Variants in CES4A observed in about 807,000 individuals in gnomAD.
The protein encoded by CES4A is carboxylesterase 6.
Under a neutral mutation model 65.4 loss-of-function variants are expected in CES4A, and 48 were observed. The ratio of observed to expected loss-of-function variants is 0.73; its 90% CI spans 0.58 to 0.93. The LOEUF (loss-of-function observed/expected upper bound fraction) is 0.93. Ranked by LOEUF, CES4A falls within the 40% of genes least tolerant of loss-of-function variation. The pLI, the probability that CES4A is intolerant of heterozygous loss-of-function variation, is 0.00. For synonymous variants in CES4A, 247 were observed against 281.8 expected (o/e 0.88, Z 1.24); for missense variants, 685 against 728.5 (o/e 0.94, Z 0.69).
chr16:66,988,895 C>T (rs1964157687), intron 1 of CES4A, 65 bp downstream of exon 1: 2 of 1,502,062 alleles, frequency 1.3e-6, no homozygotes, highest in Admixed American at 4.2e-5. Context: ...AGGGACAGGC[C>T]CCAGTTCAAC....
In CES4A at chr16:67,001,431, G is replaced by A. The variant is rs756044696; in HGVS notation, c.660G>A (p.Gln220=). The change falls in exon 5 of 14, where the codon CAG becomes CAA. Residue 220 remains glutamine (Q), a synonymous_variant. Coordinates refer to ENST00000648724, the Ensembl canonical transcript of CES4A. The surrounding 1 kb of genome is among the most constrained non-coding windows in gnomAD (Gnocchi z 4.1). ...CAGGAAATGTGACCCTGTTCGGCCA[G>A]TCGGCGGGGGCCATGAGCATCTCAG... 24 of 1,612,040 alleles carry A rather than the reference G, an allele frequency of 1.5e-5. No homozygotes were observed. Among genetic ancestry groups the A allele is most frequent in the Non-Finnish European group, 2.0e-5 (24 of 1,179,042 alleles).
intron 13 of CES4A, chr16:67,008,621 C>T (rs1478464867): frequency 2.6e-5 from 5 of 192,708 alleles, no homozygotes; most frequent in African/African-American, 1.2e-4. Context: ...AGGATGGTCT[C>T]GATCTCCTGA....
At chr16:67,005,692 C>CA (rs1211554036) in intron 11 of CES4A, 1 of 292,006 alleles carries the variant, frequency 3.4e-6, no homozygotes, top group Non-Finnish European at 6.4e-6. Flanking sequence ...ACTAAAAGTA[C>CA]AAAAAAATTA....
chr16:67,003,297 G>A lies in CES4A; in HGVS notation c.837G>A (p.Gln279=), dbSNP rs779017587. The change falls in exon 7 of 14, where the codon CAG becomes CAA. Residue 279 remains glutamine, a synonymous_variant. Coordinates refer to ENST00000648724, the Ensembl canonical transcript of CES4A. This position sits in a 1 kb window ranked among gnomAD's most constrained non-coding sequence, Gnocchi z 4.2. ...CTGGATGCAACCACAACAGCACACAGATCCTGGTAAACTGCCTGAGGGCAC... is the reference window on the plus strand; with the variant it reads ...CTGGATGCAACCACAACAGCACACAAATCCTGGTAAACTGCCTGAGGGCAC... 2.2e-5 allele frequency: 35 copies of A among 1,614,066 alleles called. No individual in the cohort carries two copies. The highest frequency in any genetic ancestry group is 5.5e-5 in the South Asian group (5 of 91,090).
exon 11 of CES4A, chr16:67,005,331 T>C (rs1965669261): frequency 1.9e-6 from 3 of 1,614,022 alleles, no homozygotes; most frequent in Middle Eastern, 1.6e-4. Flanking sequence ...AACCGTATGA[T>C]GGACATAGTT....
intron 2 of CES4A, among the ~76,000 whole-genome samples, chr16:66,997,403 G>A (rs888717463): frequency 2.6e-5 from 4 of 152,180 alleles, no homozygotes; most frequent in Admixed American, 1.3e-4. Context: ...AGCCCATGGG[G>A]TGGTGGTTGG....
Position 67,000,054 on chromosome 16 carries a change from AT to A in CES4A, c.261-583del, listed in dbSNP as rs908308884. 5.3e-5 allele frequency among the ~76,000 whole-genome samples: 8 copies of A among 152,238 alleles called. No homozygotes were observed. Among genetic ancestry groups the A allele is most frequent in the African/African-American group, 1.9e-4 (8 of 41,538 alleles). ...TGGGTACTCCGCGTATCTTAACTTT[AT>A]CCTGAGGGCAGTGGAGAGCCAGGGA... is the stretch of plus-strand genomic sequence containing the variant. On this transcript the variant is annotated intron_variant, in intron 2 of 13. Transcript: ENST00000648724. This position sits in a 1 kb window ranked among gnomAD's most constrained non-coding sequence, Gnocchi z 4.2.
intron 11 of CES4A, 88 bp downstream of exon 11, chr16:67,005,481 T>G: frequency 7.9e-7 from 1 of 1,261,256 alleles, no homozygotes; most frequent in Non-Finnish European, 1.1e-6. Flanking sequence ...ACTGCTCCCC[T>G]ACCCTCTCTG....
At chr16:66,995,772 C>A (rs765087870) in exon 2 of CES4A, 1 of 1,614,204 alleles carries the variant, frequency 6.2e-7, no homozygotes, top group South Asian at 1.1e-5. Flanking sequence ...AGGTTTGCAC[C>A]TCCAGAACCC....
chr16:67,009,017 AAGG>A, exon 14 of CES4A: 2 of 1,614,176 alleles, frequency 1.2e-6, no homozygotes, highest in Non-Finnish European at 1.7e-6. Context: ...ACGCTACAAC[AAGG>A]ATGAAAAGTA....
chr16:67,000,599 G>T lies in CES4A; in HGVS notation c.261-39G>T. On this transcript the variant is annotated intron_variant, in intron 2 of 13. Transcript: ENST00000648724. This position sits in a 1 kb window ranked among gnomAD's most constrained non-coding sequence, Gnocchi z 4.2. ...CTCACTGCGGACCCTGGATTGAAAC[G>T]ATCTCCCCGCGGCCGCCGCCGCTAC... 1 of 1,523,134 alleles carries T rather than the reference G, an allele frequency of 6.6e-7. No homozygotes were observed. Among genetic ancestry groups the T allele is most frequent in the Non-Finnish European group, 8.8e-7 (1 of 1,130,446 alleles). The allele number at this position is 1,523,134 out of a possible 1,614,324, so 94.4% of individuals were successfully genotyped here.
Position 67,000,891 on chromosome 16 carries a change from TG to T in CES4A, c.440del (p.Gly147AlafsTer32). 1 of 1,610,214 alleles carries T rather than the reference TG, an allele frequency of 6.2e-7. No homozygotes were observed. Among genetic ancestry groups the T allele is most frequent in the Admixed American group, 1.7e-5 (1 of 59,546 alleles). ...TGGTTCCCGGGAGGCGCCTTCATCG[TG>T]GGCGCTGCTTCTTCGTACGAGGGCT... On this transcript the variant is annotated frameshift_variant, in exon 4 of 14. Coordinates refer to ENST00000648724, the Ensembl canonical transcript of CES4A. LOFTEE classifies it high-confidence loss of function. The surrounding 1 kb of genome is among the most constrained non-coding windows in gnomAD (Gnocchi z 4.2).
At chr16:67,004,940 A>C (rs1193490339) in intron 10 of CES4A, 67 bp downstream of exon 10, 26 of 1,253,098 alleles carry the variant, frequency 2.1e-5, no homozygotes, top group Non-Finnish European at 2.9e-5. Flanking sequence ...TTTTTAACCT[A>C]GTAGCTGCTC....
chr16:67,006,465 G>C (rs907410430), exon 12 of CES4A: 3 of 1,536,560 alleles, frequency 2.0e-6, no homozygotes, highest in Admixed American at 2.0e-5. Context: ...CCGCACTGAT[G>C]GGGCAGACCA....
chr16:66,990,429 G>C (rs1306219132), intron 1 of CES4A, among the ~76,000 whole-genome samples: 1 of 152,122 alleles, frequency 6.6e-6, no homozygotes, highest in African/African-American at 2.4e-5. Flanking sequence ...AAATGGGGTG[G>C]CTCATGTCTA....
intron 1 of CES4A, 130 bp downstream of exon 1, chr16:66,988,960 G>C: frequency 8.8e-7 from 1 of 1,142,706 alleles, no homozygotes; most frequent in Non-Finnish European, 1.2e-6. Context: ...GCAAATGGAG[G>C]GTAGGGTTTC....
Position 67,003,344 on chromosome 16 carries a change from G to A in CES4A, c.884G>A (p.Arg295His), listed in dbSNP as rs930560634. Reference sequence around the variant, plus strand: ...GCACTATCAGGGACCAAGGTGATGCGTGTGTCCAACAAGATGGTAGGTAGA... The same window carrying A: ...GCACTATCAGGGACCAAGGTGATGCATGTGTCCAACAAGATGGTAGGTAGA... Residue 295 changes from arginine to histidine, a missense_variant, in exon 7 of 14, where the codon CGT (arginine) becomes CAT (histidine). By Grantham distance (29) the Arg-to-His change is conservative (BLOSUM62 0). Transcript: ENST00000648724. This position sits in a 1 kb window ranked among gnomAD's most constrained non-coding sequence, Gnocchi z 4.2. The A allele has an allele frequency of 5.0e-6, 8 of 1,613,734 alleles. No homozygotes were observed. The highest frequency in any genetic ancestry group is 1.7e-5 in the Admixed American group (1 of 59,986).
intron 1 of CES4A, among the ~76,000 whole-genome samples, chr16:66,992,856 G>GT (rs200295559): frequency 9.9e-5 from 15 of 151,044 alleles, no homozygotes; most frequent in Admixed American, 2.0e-4. Flanking sequence ...ATTATTATTG[G>GT]TTTTTTTTTA....
At chr16:66,996,390 G>A (rs929925406) in intron 2 of CES4A, among the ~76,000 whole-genome samples, 7 of 152,102 alleles carry the variant, frequency 4.6e-5, no homozygotes, top group Non-Finnish European at 7.4e-5. Flanking sequence ...GTCACCGACC[G>A]TGCTCCAGCA....
Sources: allele counts gnomAD v4.1 joint callset (sites outside exome capture counted in the v4.1 genomes callset), GRCh38; gene constraint gnomAD v4.1.1; non-coding constraint Gnocchi (gnomAD v3.1); transcripts MANE v1.5; gene names NCBI Gene and HGNC (gene_info 2026-07-23, HGNC 2026-07-21).